Variants in RBAK observed in about 807,000 individuals in gnomAD.
RBAK encodes the protein RB-associated KRAB zinc finger protein.
RBAK carries 39 observed loss-of-function variants against 65.8 expected under a neutral mutation model. The ratio of observed to expected loss-of-function variants is 0.59; its 90% CI spans 0.46 to 0.77. The LOEUF is 0.77. Among genes scored for constraint, RBAK ranks in the 30% least tolerant of loss-of-function variants. The probability of loss-of-function intolerance (pLI) is 0.00; values close to 1 mark genes in which losing one functional copy is unlikely to be tolerated. For synonymous variants in RBAK, 343 were observed against 289.7 expected (o/e 1.18, Z -1.87); for missense variants, 884 against 855.1 (o/e 1.03, Z -0.42).
rs772109581 is a variant in RBAK at position 5,063,903 on chromosome 7, A to G, written c.447A>G (p.Gln149=). 2.3e-5 allele frequency: 37 copies of G among 1,613,918 alleles called. No homozygotes were observed. Among genetic ancestry groups the G allele is most frequent in the Non-Finnish European group, 2.8e-5 (33 of 1,179,944 alleles). ...SCGKNLESIS[Q]LISSDGSYAR... ...GAAAGAATTTAGAATCTATTTCGCA[A>G]TTAATTAGTAGTGATGGAAGCTATG... Residue 149 remains glutamine (Q), a synonymous_variant, in exon 5 of 5, where the codon CAA becomes CAG. Coordinates refer to ENST00000396912, the MANE Select transcript of RBAK (RefSeq NM_021163.4).
chr7:5,068,426 C>T lies in RBAK; in HGVS notation c.*2825C>T, dbSNP rs570918198. 2.6e-4 allele frequency: 40 copies of T among 152,234 alleles called. No homozygotes were observed. The highest frequency in any genetic ancestry group is 8.9e-4 in the African/African-American group (37 of 41,520). The allele number at this position is 152,234 out of a possible 1,614,324, so 9.4% of individuals were successfully genotyped here. A position where few individuals can be genotyped will look rare whatever the true frequency, so the allele number is the denominator to read the frequency against. ...AAGGCAAAAGACTTTAGAGGATATC[C>T]ACTCACTTTAGAGGATATCCAGACG... On this transcript the variant is annotated 3_prime_UTR_variant, in exon 5 of 5. Transcript: ENST00000396912.
chr7:5,051,948 A>T (rs577369674), intron 2 of RBAK, among the ~76,000 whole-genome samples: 62 of 152,092 alleles, frequency 4.1e-4, no homozygotes, highest in Non-Finnish European at 7.1e-4. Context: ...ATCCTTGTTG[A>T]TTGTGTGCCT....
chr7:5,052,385 A>G (rs978987859), intron 2 of RBAK, among the ~76,000 whole-genome samples: 1 of 152,108 alleles, frequency 6.6e-6, no homozygotes, highest in African/African-American at 2.4e-5. Flanking sequence ...GTTATAGTCC[A>G]TTGCCTTTGC....
intron 4 of RBAK, among the ~76,000 whole-genome samples, chr7:5,058,124 G>C (rs747900411): frequency 1.3e-5 from 2 of 152,100 alleles, no homozygotes; most frequent in African/African-American, 4.8e-5. Context: ...ACCCAAGCTG[G>C]TGTGCAGTGG....
intron 2 of RBAK, among the ~76,000 whole-genome samples, chr7:5,050,819 T>G (rs1389040093): frequency 5.3e-5 from 8 of 152,134 alleles, no homozygotes; most frequent in African/African-American, 1.9e-4. Flanking sequence ...AGTGATCCTC[T>G]TCTTTGACCT....
chr7:5,045,973 C>T lies in RBAK; in HGVS notation c.-468C>T, dbSNP rs558698385. Reference sequence around the variant, plus strand: ...CGGGGCTGGAGGTTGAGCGCCCGGGCCAGCACCTAGGCGGGCGCGGGGGTG... The same window carrying T: ...CGGGGCTGGAGGTTGAGCGCCCGGGTCAGCACCTAGGCGGGCGCGGGGGTG... On this transcript the variant is annotated 5_prime_UTR_variant, in exon 1 of 5. Transcript: ENST00000396912. 7 of 307,520 alleles carry T rather than the reference C, an allele frequency of 2.3e-5. No homozygotes were observed. The Admixed American group carries it at 3.8e-4, about 17-fold the overall frequency. 19.0% of individuals were successfully genotyped at this position (307,520 alleles called of 1,614,324 possible).
In RBAK at chr7:5,063,836, T is replaced by C. The variant is rs192378065; in HGVS notation, c.380T>C (p.Leu127Pro). The C allele has an allele frequency of 1.2e-6, 2 of 1,614,082 alleles. No individual in the cohort carries two copies. Among genetic ancestry groups the C allele is most frequent in the Admixed American group, 1.7e-5 (1 of 60,026 alleles). The part of the protein sequence containing the change: ...TFSQIYMETS[L>P]VPSSIIAHNC... ...AGTCAAATTTACATGGAAACAAGCCTTGTTCCTTCAAGCATAATAGCTCAT... is the reference window on the plus strand; with the variant it reads ...AGTCAAATTTACATGGAAACAAGCCCTGTTCCTTCAAGCATAATAGCTCAT... Residue 127 changes from leucine to proline, a missense_variant, in exon 5 of 5, where the codon CTT becomes CCT. Leu to Pro is a moderately conservative substitution (Grantham distance 98). Transcript: ENST00000396912.
chr7:5,054,451 A>C (rs1448966451), intron 2 of RBAK, among the ~76,000 whole-genome samples: 4 of 147,356 alleles, frequency 2.7e-5, no homozygotes. Flanking sequence ...TCTCCGTTTT[A>C]TTTTTCTTTC....
intron 4 of RBAK, among the ~76,000 whole-genome samples, chr7:5,060,040 GCT>G (rs947015211): frequency 6.6e-6 from 1 of 152,160 alleles, no homozygotes; most frequent in African/African-American, 2.4e-5. Flanking sequence ...AGGAGTATAT[GCT>G]CTGTGATTCT....
chr7:5,065,359 A>G lies in RBAK; in HGVS notation c.1903A>G (p.Met635Val). Residue 635 changes from methionine (M) to valine (V), a missense_variant, in exon 5 of 5, where the codon ATG becomes GTG. Met to Val is a conservative substitution (Grantham distance 21, BLOSUM62 1). Transcript: ENST00000396912. The surrounding 1 kb of genome is among the most constrained non-coding windows in gnomAD (Gnocchi z 5.3). ...CSKCGKVFSR[M>V]SNLTVHYRSH... The stretch of plus-strand genomic sequence containing the variant: ...TAAATGTGGAAAAGTCTTCTCTCGG[A>G]TGTCAAACCTCACTGTCCACTACAG... 6.2e-7 allele frequency: 1 copy of G among 1,613,680 alleles called. No homozygotes were observed. The highest frequency in any genetic ancestry group is 8.5e-7 in the Non-Finnish European group (1 of 1,179,780).
Position 5,048,317 on chromosome 7 carries a change from C to T in RBAK, c.15+226C>T, listed in dbSNP as rs543068613. Among the ~76,000 whole-genome samples, 45 of 152,142 alleles carry T rather than the reference C, an allele frequency of 3.0e-4. No homozygotes were observed. The highest frequency in any genetic ancestry group is 9.9e-4 in the African/African-American group (41 of 41,514). On this transcript the variant is annotated intron_variant, in intron 2 of 4. Coordinates refer to ENST00000396912, the MANE Select transcript of RBAK (RefSeq NM_021163.4). The surrounding 1 kb of genome is among the most constrained non-coding windows in gnomAD (Gnocchi z 4.4). ...CCTCCCGAGTAGCTGGGATTACAGG[C>T]GTGCGCCACCATGCCCAACTAATTT...
At chr7:5,051,139 T>A (rs1401105916) in intron 2 of RBAK, among the ~76,000 whole-genome samples, 2 of 152,180 alleles carry the variant, frequency 1.3e-5, no homozygotes, top group Non-Finnish European at 2.9e-5. Context: ...TTTGATATAT[T>A]TGATAGCAAA....
chr7:5,055,716 G>C (rs2115033839), intron 2 of RBAK, among the ~76,000 whole-genome samples: 1 of 151,660 alleles, frequency 6.6e-6, no homozygotes, highest in South Asian at 2.1e-4. Context: ...GTTATTTATT[G>C]GTTGATCAGT....
chr7:5,050,521 G>T (rs1185807933), intron 2 of RBAK, among the ~76,000 whole-genome samples: 2 of 152,126 alleles, frequency 1.3e-5, no homozygotes, highest in East Asian at 1.9e-4. Context: ...TTCATTAGGG[G>T]AGGCAAAATG....
intron 2 of RBAK, among the ~76,000 whole-genome samples, chr7:5,049,134 T>C (rs1309904640): frequency 1.3e-5 from 2 of 152,318 alleles, no homozygotes; most frequent in African/African-American, 2.4e-5. Context: ...CTTGGAAAAA[T>C]TTCTTCATTC....
At position 5,067,160 on chromosome 7, in the gene RBAK, A is replaced by G. The variant is rs1445297528; in HGVS notation, c.*1559A>G. 1 of 152,198 alleles carries G rather than the reference A, an allele frequency of 6.6e-6. No homozygotes were observed. The highest frequency in any genetic ancestry group is 1.5e-5 in the Non-Finnish European group (1 of 68,018). The allele number at this position is 152,198 out of a possible 1,614,324, so 9.4% of individuals were successfully genotyped here. A position where few individuals can be genotyped will look rare whatever the true frequency, so the allele number is the denominator to read the frequency against. ...AAGACAAGGATATCTGCTGTCAATG[A>G]TTTTATTCGGCATTGTTCAGAAGGA... On this transcript the variant is annotated 3_prime_UTR_variant, in exon 5 of 5. Coordinates refer to ENST00000396912, the MANE Select transcript of RBAK (RefSeq NM_021163.4).
rs1003060798 is a variant in RBAK at position 5,069,197 on chromosome 7, T to C, written c.*3596T>C. 2.3e-4 allele frequency: 35 copies of C among 152,218 alleles called. 1 individual carries two copies. The highest frequency in any genetic ancestry group is 2.2e-3 in the Admixed American group (34 of 15,276). 9.4% of individuals were successfully genotyped at this position (152,218 alleles called of 1,614,324 possible). On this transcript the variant is annotated 3_prime_UTR_variant, in exon 5 of 5. Transcript: ENST00000396912. ...GGCTAACATTTGTGTCGCTCATCAC[T>C]CTAATCATATTTTTCTAGATGTGTA... is the stretch of plus-strand genomic sequence containing the variant.
chr7:5,062,531 C>G (rs1360926752), intron 4 of RBAK, among the ~76,000 whole-genome samples: 1 of 152,146 alleles, frequency 6.6e-6, no homozygotes, highest in African/African-American at 2.4e-5. Context: ...GACCACAGGA[C>G]CGGGGCAAAA....
At chr7:5,054,687 G>A (rs1788187139) in intron 2 of RBAK, among the ~76,000 whole-genome samples, 1 of 151,992 alleles carries the variant, frequency 6.6e-6, no homozygotes, top group Non-Finnish European at 1.5e-5. Context: ...TTCTGCCTCA[G>A]TTTCCTGAGT....
Sources: gnomAD v4.1 joint callset for allele counts (sites outside exome capture counted in the v4.1 genomes callset) on GRCh38, gnomAD v4.1.1 for gene constraint, Gnocchi (gnomAD v3.1) non-coding constraint, MANE v1.5 for transcripts, NCBI Gene and HGNC (gene_info 2026-07-23, HGNC 2026-07-21) for gene names.